NRK: variants seen among roughly 807,000 people sequenced by gnomAD.
NRK encodes the protein Nik related kinase.
In NRK, 67 loss-of-function variants were observed where a neutral mutation model predicts 125.2. The observed-to-expected ratio is 0.54, with a 90% CI of 0.44 to 0.66. The LOEUF is 0.66. Ranked by LOEUF, NRK falls within the 30% of genes least tolerant of loss-of-function variation. The probability of loss-of-function intolerance (pLI) is 0.00; values close to 1 mark genes in which losing one functional copy is unlikely to be tolerated. For synonymous variants in NRK, 458 were observed against 429.0 expected, an observed-to-expected ratio of 1.07 and a Z score of -0.84; for missense variants, 1,224 against 1,192.9, an observed-to-expected ratio of 1.03 and a Z score of -0.38.
intron 14 of NRK, 130 bp from the exon 15 acceptor site, chrX:105,915,600 T>A (rs1009943467): frequency 2.7e-6 from 1 of 366,772 alleles, no homozygotes; most frequent in Admixed American, 5.1e-5. Flanking sequence ...AGAATCTGTT[T>A]ATTAAAATCA....
intron 2 of NRK, among the ~76,000 whole-genome samples, chrX:105,858,106 T>C (rs1455778194): frequency 9.0e-6 from 1 of 111,690 alleles, no homozygotes; most frequent in African/African-American, 3.3e-5. Context: ...AAAAGTGTGT[T>C]TTAGATGCCT....
At chrX:105,871,166 A>G (rs749282531) in intron 2 of NRK, among the ~76,000 whole-genome samples, 8 of 111,515 alleles carry the variant, frequency 7.2e-5, no homozygotes, top group Non-Finnish European at 1.3e-4. Flanking sequence ...ACTTTTGTCA[A>G]TTTGGCAAGA....
rs1485051577 is a variant in NRK, at chrX:105,909,623, C to T, written c.1982C>T (p.Pro661Leu). Residue 661 changes from proline to leucine, a missense_variant, in exon 13 of 29, where the codon CCG (proline) becomes CTG (leucine). Physicochemically the swap from Pro to Leu is moderately conservative, Grantham distance 98. Coordinates refer to ENST00000243300, the MANE Select transcript of NRK (RefSeq NM_198465.4). ...TCAAATAACTCAAAGCCACTTGGTCCGTTGCAAACCCTGATGGAAAATCTG... is the reference window on the plus strand; with the variant it reads ...TCAAATAACTCAAAGCCACTTGGTCTGTTGCAAACCCTGATGGAAAATCTG... ...PNSNNSKPLG[P>L]LQTLMENLSS... is the part of the protein sequence containing the mutation. 7 of 1,200,504 alleles carry T rather than the reference C, an allele frequency of 5.8e-6. No individual in the cohort carries two copies. Among genetic ancestry groups the T allele is most frequent in the South Asian group, 1.8e-5 (1 of 55,401 alleles).
chrX:105,927,196 A>G (rs956862286), intron 19 of NRK, among the ~76,000 whole-genome samples: 2 of 109,571 alleles, frequency 1.8e-5, no homozygotes, highest in African/African-American at 6.6e-5. Context: ...GAGATCTTTC[A>G]CCTCATTGGT....
At chrX:105,892,588 T>G (rs1370691741) in intron 5 of NRK, among the ~76,000 whole-genome samples, 2 of 111,897 alleles carry the variant, frequency 1.8e-5, no homozygotes, top group African/African-American at 6.5e-5. Context: ...GTTAGTTGAA[T>G]GGCTTTAATT....
chrX:105,911,626 C>G (rs1445057756), intron 13 of NRK, among the ~76,000 whole-genome samples: 1 of 110,947 alleles, frequency 9.0e-6, no homozygotes, highest in Admixed American at 9.6e-5. Context: ...ATGTCTAGTT[C>G]TCAGAGAAAA....
At chrX:105,882,924 G>A (rs1410584175) in intron 4 of NRK, among the ~76,000 whole-genome samples, 1 of 112,070 alleles carries the variant, frequency 8.9e-6, no homozygotes, top group South Asian at 3.7e-4. Context: ...TTAAAGACCT[G>A]TCCCAAACCC....
rs962537829 is a variant in NRK, at chrX:105,917,589, G to A, written c.2429G>A (p.Arg810Gln). ...TGTCTTTTCATTAGCGTTCCTCAGC[G>A]GTCTCTTTTGGAACAAGCTCAGAAG... Reference protein sequence around the residue: ...HVKFSSSVPQRSLLEQAQKPI... With the variant: ...HVKFSSSVPQQSLLEQAQKPI... Residue 810 changes from arginine (R) to glutamine (Q), a missense_variant, in exon 16 of 29, where the codon CGG becomes CAG. By Grantham distance (43) the Arg-to-Gln change is conservative. Transcript: ENST00000243300. 4 of 1,149,774 alleles carry A rather than the reference G, an allele frequency of 3.5e-6. No individual in the cohort carries two copies. The highest frequency in any genetic ancestry group is 3.6e-5 in the African/African-American group (2 of 55,381). 94.8% of individuals were successfully genotyped at this position (1,149,774 alleles called of 1,213,427 possible). A position where few individuals can be genotyped will look rare whatever the true frequency, so the allele number is the denominator to read the frequency against.
At chrX:105,857,859 C>A (rs1384945228) in intron 2 of NRK, among the ~76,000 whole-genome samples, 2 of 111,233 alleles carry the variant, frequency 1.8e-5, no homozygotes, top group Non-Finnish European at 3.8e-5. Context: ...TTTTCATCTT[C>A]CTTCCCACTT....
chrX:105,916,028 T>C (rs886462615), intron 15 of NRK, among the ~76,000 whole-genome samples: 10 of 110,998 alleles, frequency 9.0e-5, no homozygotes, highest in Admixed American at 1.9e-4. Context: ...GCTAAATAGA[T>C]GGCAAGGTTC....
chrX:105,892,717 T>G (rs2147724456), intron 5 of NRK, among the ~76,000 whole-genome samples: 1 of 111,828 alleles, frequency 8.9e-6, no homozygotes, highest in Admixed American at 9.5e-5. Context: ...TCTGTTTTCG[T>G]TTTGTTTGGC....
chrX:105,892,215 A>G (rs1317114361), intron 5 of NRK, among the ~76,000 whole-genome samples: 1 of 112,135 alleles, frequency 8.9e-6, no homozygotes, highest in Non-Finnish European at 1.9e-5. Flanking sequence ...ATAATTGGTC[A>G]GAAGAGAAAT....
chrX:105,875,260 C>G (rs1205783426), intron 2 of NRK, among the ~76,000 whole-genome samples: 1 of 111,449 alleles, frequency 9.0e-6, no homozygotes, highest in Non-Finnish European at 1.9e-5. Flanking sequence ...ACTTCATTCA[C>G]TTTTTGAAAT....
Position 105,955,790 on chromosome X carries a change from G to T in NRK, c.*190G>T. 2.7e-6 allele frequency: 1 copy of T among 366,177 alleles called. No homozygotes were observed. The allele number at this position is 366,177 out of a possible 1,213,427, so 30.2% of individuals were successfully genotyped here. A position where few individuals can be genotyped will look rare whatever the true frequency, so the allele number is the denominator to read the frequency against. On this transcript the variant is annotated 3_prime_UTR_variant, in exon 29 of 29. Transcript: ENST00000243300. ...TTATGTATAAAATTAACTATAGCAAGCTCTAGGTACTCCAATGGTGTACAA... is the reference window on the plus strand; with the variant it reads ...TTATGTATAAAATTAACTATAGCAATCTCTAGGTACTCCAATGGTGTACAA...
At chrX:105,855,756 T>C (rs1041480039) in intron 2 of NRK, among the ~76,000 whole-genome samples, 8 of 112,041 alleles carry the variant, frequency 7.1e-5, no homozygotes, top group South Asian at 3.6e-4. Flanking sequence ...AGATAAAGTA[T>C]GTAAGATATC....
rs781354002 is a variant in NRK at position 105,858,422 on chromosome X, G to T, written c.124-21777G>T. Among the ~76,000 whole-genome samples, 5 of 106,635 alleles carry T rather than the reference G, an allele frequency of 4.7e-5. No individual in the cohort carries two copies. The South Asian group carries it at 2.1e-3, about 45-fold the overall frequency. 92.6% of individuals were successfully genotyped at this position (106,635 alleles called of 115,157 possible). On this transcript the variant is annotated intron_variant, in intron 2 of 28. Coordinates refer to ENST00000243300, the MANE Select transcript of NRK (RefSeq NM_198465.4). ...TACTTTTTTCTATTATAAAGGGAGA[G>T]ACTTGAAAGATATGTGGATGGATGA...
rs1368599118 is a variant in NRK, at chrX:105,924,740, T to C, written c.3021T>C (p.Asp1007=). Residue 1007 remains aspartate (D), a synonymous_variant, in exon 19 of 29, where the codon GAT becomes GAC. Coordinates refer to ENST00000243300, the MANE Select transcript of NRK (RefSeq NM_198465.4). ...RDGSCKQDGY[D]GSRGKEEAYR... ...GAAGCTGCAAGCAAGATGGTTATGA[T>C]GGAAGTCGTGGAAAAGAGGAAGCCT... 6 of 1,200,027 alleles carry C rather than the reference T, an allele frequency of 5.0e-6. No individual in the cohort carries two copies. In the Admixed American group the frequency reaches 6.8e-5, roughly 14 times the overall value.
chrX:105,864,579 TACAC>T (rs765122541), intron 2 of NRK, among the ~76,000 whole-genome samples: 5 of 109,297 alleles, frequency 4.6e-5, no homozygotes, highest in South Asian at 3.8e-4. Flanking sequence ...CACATACACA[TACAC>T]ACACACACAC....
chrX:105,889,666 G>C (rs1461953971), intron 5 of NRK, among the ~76,000 whole-genome samples: 2 of 112,616 alleles, frequency 1.8e-5, no homozygotes, highest in African/African-American at 6.5e-5. Flanking sequence ...CTTGATTTCT[G>C]TGCATCAGCA....
Sources: gnomAD v4.1 joint callset for allele counts (sites outside exome capture counted in the v4.1 genomes callset) on GRCh38, gnomAD v4.1.1 for gene constraint, MANE v1.5 for transcripts, NCBI Gene and HGNC (gene_info 2026-07-23, HGNC 2026-07-21) for gene names.